The following GDAP2 variants were observed in gnomAD, a reference collection of about 807,000 sequenced individuals.
GDAP2 encodes the protein ganglioside induced differentiation associated protein 2, also known as ganglioside-induced differentiation-associated protein 2.
In GDAP2, 51 loss-of-function variants were observed where a neutral mutation model predicts 67.0. The ratio of observed to expected loss-of-function variants is 0.76; its 90% confidence interval spans 0.61 to 0.96. The LOEUF (loss-of-function observed/expected upper bound fraction) is 0.96, where lower values mean the gene tolerates loss of function less well. Among genes scored for constraint, GDAP2 ranks in the 40% least tolerant of loss-of-function variants. The pLI is 0.00. For missense variants in GDAP2, 547 were observed against 588.3 expected, an observed-to-expected ratio of 0.93 and a Z score of 0.73; for synonymous variants, 203 against 207.3, an observed-to-expected ratio of 0.98 and a Z score of 0.18.
chr1:117,893,974 G>C (rs1333082973), intron 8 of GDAP2, among the ~76,000 whole-genome samples: 2 of 152,122 alleles, frequency 1.3e-5, no homozygotes, highest in African/African-American at 4.8e-5. Flanking sequence ...GCTGTATTTA[G>C]AGAAGAGTTG....
At chr1:117,911,269 C>T (rs1649847435) in intron 5 of GDAP2, among the ~76,000 whole-genome samples, 1 of 152,154 alleles carries the variant, frequency 6.6e-6, no homozygotes, top group Non-Finnish European at 1.5e-5. Flanking sequence ...TTTTATGTGA[C>T]ATACAGGCAT....
chr1:117,925,640 A>G (rs929491839), intron 1 of GDAP2, among the ~76,000 whole-genome samples: 2 of 152,182 alleles, frequency 1.3e-5, no homozygotes, highest in Non-Finnish European at 2.9e-5. Flanking sequence ...TGAGGCAGAG[A>G]CAGTATGGTT....
intron 5 of GDAP2, among the ~76,000 whole-genome samples, chr1:117,909,129 C>T (rs1649761198): frequency 2.6e-5 from 4 of 152,184 alleles, no homozygotes; most frequent in Admixed American, 2.6e-4. Context: ...TGCAACCAAC[C>T]ACAATGTCCT....
chr1:117,923,188 C>A (rs1650318573), intron 1 of GDAP2, among the ~76,000 whole-genome samples: 1 of 152,276 alleles, frequency 6.6e-6, no homozygotes, highest in South Asian at 2.1e-4. Flanking sequence ...ATTGTTTAAA[C>A]ACACATGCTC....
intron 12 of GDAP2, among the ~76,000 whole-genome samples, chr1:117,878,696 C>T (rs1243719927): frequency 6.6e-6 from 1 of 152,218 alleles, no homozygotes; most frequent in East Asian, 1.9e-4. Flanking sequence ...CATCTTTGCT[C>T]ATTTCACTTG....
At position 117,883,574 on chromosome 1, in the gene GDAP2, TAC is replaced by T. The variant is rs1648741183; in HGVS notation, c.1159_1160del (p.Val387IlefsTer27). 6.2e-7 allele frequency: 1 copy of T among 1,600,982 alleles called. No individual in the cohort carries two copies. The highest frequency in any genetic ancestry group is 2.2e-5 in the East Asian group (1 of 44,708). The part of the protein sequence containing the change: ...VMDHIAVKEY[V>X]LVYFHTLTSE... ...TGGTCAGGGTGTGAAAATACACTAA[TAC>T]ATACTCCTTCACAGCAATGTGATCC... On this transcript the variant is annotated frameshift_variant, in exon 11 of 14. Transcript: ENST00000369443. LOFTEE classifies it high-confidence loss of function.
rs1649361392 is a variant in GDAP2, at chr1:117,899,196, T to C, written c.657A>G (p.Leu219=). The C allele has an allele frequency of 1.2e-6, 2 of 1,611,444 alleles. No homozygotes were observed. The highest frequency in any genetic ancestry group is 1.7e-6 in the Non-Finnish European group (2 of 1,177,662). Residue 219 remains leucine, a synonymous_variant, in exon 7 of 14, where the codon CTA becomes CTG. Transcript: ENST00000369443. ...TTAATGACCTTGGGAAGTAGAGAGGTAGCAGCTTTTGGTAAGTACCCTGTG... is the reference window on the plus strand; with the variant it reads ...TTAATGACCTTGGGAAGTAGAGAGGCAGCAGCTTTTGGTAAGTACCCTGTG... ...DLEEGTYQKL[L]PLYFPRSLKE... is the part of the protein sequence containing the mutation.
chr1:117,905,528 C>T (rs1042906381), intron 6 of GDAP2, among the ~76,000 whole-genome samples: 2 of 152,174 alleles, frequency 1.3e-5, no homozygotes, highest in African/African-American at 4.8e-5. Flanking sequence ...CCGTGCCAGG[C>T]TAAAGTTATG....
Position 117,891,265 on chromosome 1 carries a change from G to A in GDAP2, c.954-3491C>T, listed in dbSNP as rs80023871. ...ATCAACTTGTTTTGCGTGTCTCCTG[G>A]TATACATGTGCATGATTGCTCTTGA... On this transcript the variant is annotated intron_variant, in intron 8 of 13. Coordinates refer to ENST00000369443, the MANE Select transcript of GDAP2 (RefSeq NM_017686.4). Among the ~76,000 whole-genome samples, 958 of 151,308 alleles carry A rather than the reference G, an allele frequency of 6.3e-3. 9 individuals carry two copies. The highest frequency in any genetic ancestry group is 0.022 in the African/African-American group (899 of 41,208).
At position 117,900,690 on chromosome 1, in the gene GDAP2, C is replaced by T. The variant is rs557136049; in HGVS notation, c.637-1474G>A. On this transcript the variant is annotated intron_variant, in intron 6 of 13. Transcript: ENST00000369443. Reference sequence around the variant, plus strand: ...CTGAGGCAGGGGAATCACTTGAACCCGGGAGGTGGAGGTTGCAGTGAGCGA... The same window carrying T: ...CTGAGGCAGGGGAATCACTTGAACCTGGGAGGTGGAGGTTGCAGTGAGCGA... Among the ~76,000 whole-genome samples, 194 of 146,768 alleles carry T rather than the reference C, an allele frequency of 1.3e-3. 1 individual carries two copies. Among genetic ancestry groups the T allele is most frequent in the Middle Eastern group, 3.6e-3 (1 of 276 alleles).
intron 7 of GDAP2, among the ~76,000 whole-genome samples, chr1:117,898,786 A>C (rs894477230): frequency 6.6e-6 from 1 of 152,248 alleles, no homozygotes; most frequent in Non-Finnish European, 1.5e-5. Flanking sequence ...AGTGTTCTGC[A>C]TGAAACTATA....
At chr1:117,886,465 A>G in intron 10 of GDAP2, 112 bp downstream of exon 10, 3 of 663,170 alleles carry the variant, frequency 4.5e-6, no homozygotes, top group Non-Finnish European at 8.2e-6. Context: ...CTCCTCTGTC[A>G]GTGATACACA....
chr1:117,925,870 T>C (rs1305236889), intron 1 of GDAP2, among the ~76,000 whole-genome samples: 2 of 152,206 alleles, frequency 1.3e-5, no homozygotes, highest in African/African-American at 4.8e-5. Flanking sequence ...TCATTCACTG[T>C]TTCCAACTTC....
At chr1:117,918,494 A>G in intron 3 of GDAP2, 103 bp downstream of exon 3, 1 of 777,932 alleles carries the variant, frequency 1.3e-6, no homozygotes, top group Non-Finnish European at 2.1e-6. Context: ...AAAGAAAAAC[A>G]GCTACATCTA....
intron 2 of GDAP2, 94 bp downstream of exon 2, chr1:117,920,088 T>C (rs1390794655): frequency 7.1e-6 from 5 of 701,124 alleles, no homozygotes; most frequent in Non-Finnish European, 1.3e-5. Flanking sequence ...TACGCAAAGC[T>C]GTATTTCAAC....
intron 1 of GDAP2, among the ~76,000 whole-genome samples, chr1:117,924,701 T>C (rs572000293): frequency 6.6e-6 from 1 of 152,316 alleles, no homozygotes; most frequent in South Asian, 2.1e-4. Flanking sequence ...AATGATAAAT[T>C]TGTATGAGAA....
chr1:117,923,905 C>T (rs1459494500), intron 1 of GDAP2, among the ~76,000 whole-genome samples: 1 of 152,202 alleles, frequency 6.6e-6, no homozygotes, highest in East Asian at 1.9e-4. Context: ...TTTTAATCTA[C>T]AAGTCCCCCA....
intron 3 of GDAP2, among the ~76,000 whole-genome samples, chr1:117,916,532 T>A (rs573468165): frequency 6.6e-6 from 1 of 152,298 alleles, no homozygotes; most frequent in African/African-American, 2.4e-5. Flanking sequence ...ACAATGGATT[T>A]AAGAAACGAA....
chr1:117,916,884 A>G (rs959448438), intron 3 of GDAP2, among the ~76,000 whole-genome samples: 11 of 151,976 alleles, frequency 7.2e-5, no homozygotes, highest in Non-Finnish European at 1.3e-4. Flanking sequence ...AAATACAAAA[A>G]TCAGCCAGGT....
Sources: gnomAD v4.1 joint callset for allele counts (sites outside exome capture counted in the v4.1 genomes callset) on GRCh38, gnomAD v4.1.1 for gene constraint, MANE v1.5 for transcripts, NCBI Gene and HGNC (gene_info 2026-07-23, HGNC 2026-07-21) for gene names.